ZNF583: variants seen among roughly 807,000 people sequenced by gnomAD.
The protein encoded by ZNF583 is zinc finger protein L3-5.
Under a neutral mutation model 55.3 loss-of-function variants are expected in ZNF583, and 30 were observed. The observed-to-expected ratio is 0.54, with a 90% CI of 0.41 to 0.74. The LOEUF (loss-of-function observed/expected upper bound fraction) is 0.74, where lower values mean the gene tolerates loss of function less well. ZNF583 is among the 30% of genes least tolerant of loss of function. The pLI is 0.00. For missense variants in ZNF583, 504 were observed against 664.7 expected (o/e 0.76, Z 2.66); for synonymous variants, 208 against 220.0 (o/e 0.95, Z 0.48).
rs1273736691 is a variant in ZNF583 at position 56,424,853 on chromosome 19, G to C, written c.*485G>C. Reference sequence around the variant, plus strand: ...TATTTATAGTGTGGGAATAATAATGGTTCTACCTCAGAAGTTAATAGAAGA... The same window carrying C: ...TATTTATAGTGTGGGAATAATAATGCTTCTACCTCAGAAGTTAATAGAAGA... On this transcript the variant is annotated 3_prime_UTR_variant, in exon 5 of 5. Coordinates refer to ENST00000333201, the MANE Select transcript of ZNF583 (RefSeq NM_152478.3). 2 of 154,790 alleles carry C rather than the reference G, an allele frequency of 1.3e-5. No homozygotes were observed. Among genetic ancestry groups the C allele is most frequent in the African/African-American group, 4.8e-5 (2 of 41,446 alleles). 9.6% of individuals were successfully genotyped at this position (154,790 alleles called of 1,614,324 possible).
intron 1 of ZNF583, among the ~76,000 whole-genome samples, chr19:56,406,642 C>T (rs1306059517): frequency 6.8e-6 from 1 of 147,116 alleles, no homozygotes; most frequent in Non-Finnish European, 1.5e-5. Flanking sequence ...ACGCCATTCT[C>T]CTGCCTCCTC....
chr19:56,425,149 A>G lies in ZNF583; in HGVS notation c.*781A>G, dbSNP rs557268198. 6 of 152,218 alleles carry G rather than the reference A, an allele frequency of 3.9e-5. No homozygotes were observed. Among genetic ancestry groups the G allele is most frequent in the African/African-American group, 1.4e-4 (6 of 41,520 alleles). The allele number at this position is 152,218 out of a possible 1,614,324, so 9.4% of individuals were successfully genotyped here. A position where few individuals can be genotyped will look rare whatever the true frequency, so the allele number is the denominator to read the frequency against. On this transcript the variant is annotated 3_prime_UTR_variant, in exon 5 of 5. Coordinates refer to ENST00000333201, the MANE Select transcript of ZNF583 (RefSeq NM_152478.3). ...ATTAGAGTCCATGATATAGGGTAAG[A>G]TGGTGGCTTGTATCAGCATTCACTG...
At chr19:56,411,603 T>A (rs2042240719) in intron 2 of ZNF583, among the ~76,000 whole-genome samples, 1 of 152,032 alleles carries the variant, frequency 6.6e-6, no homozygotes, top group South Asian at 2.1e-4. Context: ...TTTTAAAGAG[T>A]TTGTATTGAA....
Position 56,407,056 on chromosome 19 carries a change from C to G in ZNF583, c.-59C>G, listed in dbSNP as rs2042164992. 6.2e-7 allele frequency: 1 copy of G among 1,603,578 alleles called. No homozygotes were observed. The highest frequency in any genetic ancestry group is 1.3e-5 in the African/African-American group (1 of 74,624). The stretch of plus-strand genomic sequence containing the variant: ...CTTTCTCAGGATACTGTCCCTCTCC[C>G]ACAGAGGAGCTGAAGGAGTAGGACA... On this transcript the variant is annotated 5_prime_UTR_variant, in exon 2 of 5. Coordinates refer to ENST00000333201, the MANE Select transcript of ZNF583 (RefSeq NM_152478.3).
chr19:56,424,438 T>A lies in ZNF583; in HGVS notation c.*70T>A. 1.5e-6 allele frequency: 1 copy of A among 688,596 alleles called. No homozygotes were observed. Among genetic ancestry groups the A allele is most frequent in the East Asian group, 2.7e-5 (1 of 36,776 alleles). 42.7% of individuals were successfully genotyped at this position (688,596 alleles called of 1,614,324 possible). ...CCTTGTCCAATGCACATTAATATAT[T>A]TGACATGGGATACTCGAGTAGCTTT... On this transcript the variant is annotated 3_prime_UTR_variant, in exon 5 of 5. Transcript: ENST00000333201.
At chr19:56,413,419 T>C (rs1237377636) in intron 2 of ZNF583, among the ~76,000 whole-genome samples, 1 of 152,218 alleles carries the variant, frequency 6.6e-6, no homozygotes, top group Non-Finnish European at 1.5e-5. Flanking sequence ...GTTTCTATTA[T>C]ATATTTAATT....
intron 3 of ZNF583, 107 bp from the exon 4 acceptor site, chr19:56,414,238 T>C: frequency 3.3e-6 from 5 of 1,506,018 alleles, no homozygotes; most frequent in Non-Finnish European, 4.6e-6. Context: ...ATCTTCCCCA[T>C]TCTTATTCCT....
rs2042459441 is a variant in ZNF583, at chr19:56,423,790, A to T, written c.1132A>T (p.Arg378Ter). ...ACATCAGAGAATTCATACTGGAGAGAGACCCTACGAATGTAAGGAATGTAG... is the reference window on the plus strand; with the variant it reads ...ACATCAGAGAATTCATACTGGAGAGTGACCCTACGAATGTAAGGAATGTAG... ...IVHQRIHTGE[R>*]PYECKECRKA... Residue 378 changes from arginine to a stop codon, truncating the protein, a stop_gained, in exon 5 of 5, where the codon AGA becomes TGA. Transcript: ENST00000333201. LOFTEE classifies it high-confidence loss of function. The T allele has an allele frequency of 1.9e-6, 3 of 1,613,708 alleles. No individual in the cohort carries two copies. Among genetic ancestry groups the T allele is most frequent in the Non-Finnish European group, 2.5e-6 (3 of 1,179,910 alleles).
chr19:56,404,050 T>G (rs2042105268), upstream of ZNF583: 1 of 152,610 alleles, frequency 6.6e-6, no homozygotes, highest in South Asian at 2.1e-4. The surrounding 1 kb of genome is among the most constrained non-coding windows in gnomAD (Gnocchi z 5.2). Flanking sequence ...CACCCCGGCC[T>G]GGCAGCCTTT....
Position 56,423,643 on chromosome 19 carries a change from T to C in ZNF583, c.985T>C (p.Cys329Arg). 6.2e-7 allele frequency: 1 copy of C among 1,614,030 alleles called. No homozygotes were observed. The highest frequency in any genetic ancestry group is 8.5e-7 in the Non-Finnish European group (1 of 1,179,980). The change falls in exon 5 of 5, where the codon TGT (cysteine) becomes CGT (arginine). Residue 329 changes from cysteine to arginine, a missense_variant. Transcript: ENST00000333201. ...AGAGAGACCTTTCGAATGTATTGAA[T>C]GTGGAAAGGCCTTTAGTAATGGTTC... ...TGERPFECIECGKAFSNGSFL... is the reference protein window; with the variant it reads ...TGERPFECIERGKAFSNGSFL...
chr19:56,409,556 G>C (rs994842709), intron 2 of ZNF583, among the ~76,000 whole-genome samples: 3 of 151,302 alleles, frequency 2.0e-5, no homozygotes, highest in Non-Finnish European at 2.9e-5. Flanking sequence ...GGCTGGTTTT[G>C]AACTTCTGGC....
At chr19:56,418,166 A>G (rs1219139136) in intron 4 of ZNF583, among the ~76,000 whole-genome samples, 2 of 152,222 alleles carry the variant, frequency 1.3e-5, no homozygotes, top group African/African-American at 4.8e-5. Context: ...TGCTCAAAAA[A>G]CTTAGATTTT....
intron 2 of ZNF583, among the ~76,000 whole-genome samples, chr19:56,407,422 TA>T (rs2042172153): frequency 1.3e-5 from 2 of 152,356 alleles, no homozygotes; most frequent in South Asian, 2.1e-4. Context: ...TTCATTGTAG[TA>T]AGTTGATTGA....
At chr19:56,413,620 A>G (rs967797464) in intron 2 of ZNF583, among the ~76,000 whole-genome samples, 1 of 152,144 alleles carries the variant, frequency 6.6e-6, no homozygotes, top group African/African-American at 2.4e-5. Flanking sequence ...TGATTTTCCA[A>G]TATTGAGAAA....
In ZNF583 at chr19:56,407,077, G is replaced by A. The variant is rs372071005; in HGVS notation, c.-38G>A. The A allele has an allele frequency of 9.3e-6, 15 of 1,613,562 alleles. No individual in the cohort carries two copies. Among genetic ancestry groups the A allele is most frequent in the Non-Finnish European group, 1.3e-5 (15 of 1,179,556 alleles). On this transcript the variant is annotated 5_prime_UTR_variant, in exon 2 of 5. Transcript: ENST00000333201. ...CTCCCACAGAGGAGCTGAAGGAGTA[G>A]GACAGAAGAACTGTCAAATTCTGGA...
At chr19:56,406,269 C>G (rs1193878725) in intron 1 of ZNF583, among the ~76,000 whole-genome samples, 1 of 152,170 alleles carries the variant, frequency 6.6e-6, no homozygotes, top group Non-Finnish European at 1.5e-5. Flanking sequence ...CACTTTGTAG[C>G]TTTATCTGTC....
At chr19:56,419,195 C>CTTTTT (rs57785686) in intron 4 of ZNF583, among the ~76,000 whole-genome samples, 3 of 114,052 alleles carry the variant, frequency 2.6e-5, no homozygotes, top group African/African-American at 3.3e-5. Context: ...TGCAGGTTTA[C>CTTTTT]TTTTTTTTTT....
In ZNF583 at chr19:56,422,928, A is replaced by G. The variant is rs144022660; in HGVS notation, c.270A>G (p.Ser90=). ...TATTTAAAAACAGTGAATTTTCATC[A>G]AAGCAAGAGACATATGAAGAATCAT... ...EYVFKNSEFS[S]KQETYEESSK... is the part of the protein sequence containing the mutation. The change falls in exon 5 of 5, where the codon TCA becomes TCG. Residue 90 remains serine, a synonymous_variant. Transcript: ENST00000333201. The G allele has an allele frequency of 3.6e-5, 58 of 1,606,962 alleles. No homozygotes were observed. In the African/African-American group the frequency reaches 7.4e-4, roughly 20 times the overall value.
At chr19:56,414,471 C>T (rs1264058268) in intron 4 of ZNF583, 31 bp downstream of exon 4, 1 of 1,579,450 alleles carries the variant, frequency 6.3e-7, no homozygotes, top group South Asian at 1.1e-5. Context: ...GAGACAGAAG[C>T]CATTGCCAGG....
Sources: allele counts gnomAD v4.1 joint callset (sites outside exome capture counted in the v4.1 genomes callset), GRCh38; gene constraint gnomAD v4.1.1; non-coding constraint Gnocchi (gnomAD v3.1); transcripts MANE v1.5; gene names NCBI Gene and HGNC (gene_info 2026-07-23, HGNC 2026-07-21).